The following SCN11A variants were observed in gnomAD, a reference collection of about 807,000 sequenced individuals.
The protein encoded by SCN11A is sodium channel protein type 11 subunit alpha.
A neutral mutation model predicts 162.2 loss-of-function variants in SCN11A; 122 were observed. The ratio of observed to expected loss-of-function variants is 0.75; its 90% CI spans 0.65 to 0.87. The LOEUF is 0.87. SCN11A is among the 40% of genes least tolerant of loss of function. The pLI is 0.00. For missense variants in SCN11A, 2,015 were observed against 2,181.6 expected (o/e 0.92, Z 1.52); for synonymous variants, 758 against 751.5 (o/e 1.01, Z -0.14).
At chr3:38,871,405 T>C (rs986360635) in intron 25 of SCN11A, 40 bp downstream of exon 25, 1 of 1,524,624 alleles carries the variant, frequency 6.6e-7, no homozygotes, top group African/African-American at 1.4e-5. Context: ...TCTCTGAAGG[T>C]TTTTCTCCTC....
chr3:39,025,350 T>G (rs769023255), intron 2 of SCN11A, among the ~76,000 whole-genome samples: 1 of 152,098 alleles, frequency 6.6e-6, no homozygotes, highest in African/African-American at 2.4e-5. Flanking sequence ...TAGAGGGAAG[T>G]GAAAGCAAGT....
At chr3:38,890,279 G>A (rs1166623369) in intron 19 of SCN11A, among the ~76,000 whole-genome samples, 2 of 152,196 alleles carry the variant, frequency 1.3e-5, no homozygotes, top group African/African-American at 2.4e-5. Context: ...GCTTAAAAGA[G>A]TTTGCCCAGA....
At chr3:38,989,751 C>A (rs1304434342) in intron 2 of SCN11A, among the ~76,000 whole-genome samples, 1 of 152,160 alleles carries the variant, frequency 6.6e-6, no homozygotes, top group African/African-American at 2.4e-5. Flanking sequence ...CATAGTGGAA[C>A]TGGTAGGTGA....
intron 11 of SCN11A, among the ~76,000 whole-genome samples, chr3:38,914,142 ATTTG>A (rs2125541744): frequency 2.0e-5 from 3 of 152,154 alleles, no homozygotes; most frequent in African/African-American, 7.2e-5. Flanking sequence ...ATGTTCTTCC[ATTTG>A]TTTGTGTCAT....
At chr3:38,961,660 C>T (rs1575337918) in intron 2 of SCN11A, among the ~76,000 whole-genome samples, 1 of 152,190 alleles carries the variant, frequency 6.6e-6, no homozygotes, top group African/African-American at 2.4e-5. Context: ...ACTCCGAATC[C>T]ATTATCTTAA....
At chr3:38,955,969 G>A (rs79257206) in intron 3 of SCN11A, among the ~76,000 whole-genome samples, 5 of 152,168 alleles carry the variant, frequency 3.3e-5, no homozygotes, top group African/African-American at 9.7e-5. Flanking sequence ...ACAAAAGCCC[G>A]GGTATGGTGT....
intron 2 of SCN11A, among the ~76,000 whole-genome samples, chr3:38,973,249 A>G (rs2066828357): frequency 6.6e-6 from 1 of 152,206 alleles, no homozygotes; most frequent in Non-Finnish European, 1.5e-5. Flanking sequence ...TCACAAGAAA[A>G]TGTTTTTAAT....
chr3:39,012,476 TTCTC>T lies in SCN11A; in HGVS notation c.-280+19900_-280+19903del, dbSNP rs1381524245. 2.3e-3 allele frequency among the ~76,000 whole-genome samples: 333 copies of T among 144,256 alleles called. No individual in the cohort carries two copies. The Middle Eastern group carries it at 0.025, about 11-fold the overall frequency. 94.6% of individuals were successfully genotyped at this position (144,256 alleles called of 152,430 possible). A position where few individuals can be genotyped will look rare whatever the true frequency, so the allele number is the denominator to read the frequency against. ...TCTCTTTCTTTCTTTCTCTCTCTCT[TTCTC>T]TCTTTCTTTTTTTTTTTTTTGACAG... On this transcript the variant is annotated intron_variant, in intron 2 of 29. Coordinates refer to ENST00000302328, the MANE Select transcript of SCN11A (RefSeq NM_001349253.2).
At chr3:38,886,082 G>T in intron 20 of SCN11A, 43 bp downstream of exon 20, 1 of 1,266,924 alleles carries the variant, frequency 7.9e-7, no homozygotes, top group African/African-American at 1.5e-5. Flanking sequence ...GAAGGTGTGT[G>T]GATGAGCCAC....
At chr3:38,891,135 A>G (rs530563586) in intron 19 of SCN11A, among the ~76,000 whole-genome samples, 239 of 152,336 alleles carry the variant, frequency 1.6e-3, no homozygotes, top group African/African-American at 5.6e-3. Flanking sequence ...TATTTAAAGA[A>G]TTAAAAGGTA....
intron 16 of SCN11A, among the ~76,000 whole-genome samples, chr3:38,902,544 G>A (rs1268978195): frequency 6.7e-6 from 1 of 149,988 alleles, no homozygotes; most frequent in Non-Finnish European, 1.5e-5. Flanking sequence ...TTGAGATGGA[G>A]TCTCACTTTG....
At chr3:38,961,314 G>A (rs2066738998) in intron 2 of SCN11A, among the ~76,000 whole-genome samples, 1 of 152,204 alleles carries the variant, frequency 6.6e-6, no homozygotes, top group South Asian at 2.1e-4. Context: ...CTGTTAAGAA[G>A]CAAATGTGAT....
chr3:38,886,178 T>G lies in SCN11A; in HGVS notation c.2896A>C (p.Ile966Leu). ...PTSQRVQSVE[I>L]DMFSEDEPHL... ...GGCTCATCTTCAGAGAACATGTCAATTTCCACACTTTGAACTCTCTGGCTC... is the reference window on the plus strand; with the variant it reads ...GGCTCATCTTCAGAGAACATGTCAAGTTCCACACTTTGAACTCTCTGGCTC... The change falls in exon 20 of 30, where the codon ATT becomes CTT. Residue 966 changes from isoleucine to leucine, a missense_variant. By Grantham distance (5) the Ile-to-Leu change is conservative. Coordinates refer to ENST00000302328, the MANE Select transcript of SCN11A (RefSeq NM_001349253.2). 6.2e-7 allele frequency: 1 copy of G among 1,613,106 alleles called. No homozygotes were observed. The highest frequency in any genetic ancestry group is 8.5e-7 in the Non-Finnish European group (1 of 1,179,890).
chr3:38,886,162 T>G lies in SCN11A; in HGVS notation c.2912A>C (p.Glu971Ala), dbSNP rs1575246793. The change falls in exon 20 of 30, where the codon GAA becomes GCA. Residue 971 changes from glutamate to alanine, a missense_variant. By Grantham distance (107) the Glu-to-Ala change is moderately radical (BLOSUM62 -1). Transcript: ENST00000302328. ...VQSVEIDMFS[E>A]DEPHLTIQDP... ...CTGTATGGTCAGATGAGGCTCATCT[T>G]CAGAGAACATGTCAATTTCCACACT... The G allele has an allele frequency of 6.2e-7, 1 of 1,613,064 alleles. No homozygotes were observed. Among genetic ancestry groups the G allele is most frequent in the Non-Finnish European group, 8.5e-7 (1 of 1,179,826 alleles).
intron 4 of SCN11A, among the ~76,000 whole-genome samples, chr3:38,951,708 T>C (rs1186812144): frequency 6.6e-6 from 1 of 152,168 alleles, no homozygotes; most frequent in Non-Finnish European, 1.5e-5. Context: ...GGTTTGTGAG[T>C]GCACCAATCG....
intron 6 of SCN11A, 70 bp from the exon 7 acceptor site, chr3:38,945,582 G>T: frequency 1.9e-6 from 2 of 1,077,572 alleles, no homozygotes; most frequent in East Asian, 2.6e-5. Context: ...GTAAGACTGG[G>T]GGTGCCCCTG....
At chr3:38,945,863 T>C (rs916346645) in intron 6 of SCN11A, among the ~76,000 whole-genome samples, 9 of 152,158 alleles carry the variant, frequency 5.9e-5, no homozygotes, top group Non-Finnish European at 1.0e-4. Flanking sequence ...TGGCTCTTTG[T>C]TTTCCCCCCT....
At chr3:38,891,575 A>G (rs763144465) in intron 19 of SCN11A, among the ~76,000 whole-genome samples, 12 of 152,234 alleles carry the variant, frequency 7.9e-5, no homozygotes, top group Non-Finnish European at 1.6e-4. Context: ...AGTAATTTAT[A>G]AAGAACAGAT....
At chr3:38,868,664 A>C (rs1344176471) in intron 26 of SCN11A, among the ~76,000 whole-genome samples, 2 of 152,184 alleles carry the variant, frequency 1.3e-5, no homozygotes, top group Non-Finnish European at 2.9e-5. Flanking sequence ...TCAGAGCTGC[A>C]AGATGTGTGT....
Sources: allele counts gnomAD v4.1 joint callset (sites outside exome capture counted in the v4.1 genomes callset), GRCh38; gene constraint gnomAD v4.1.1; transcripts MANE v1.5; gene names NCBI Gene and HGNC (gene_info 2026-07-23, HGNC 2026-07-21).